Variants in EIF2AK1 observed in about 807,000 individuals in gnomAD.
EIF2AK1 encodes the protein eukaryotic translation initiation factor 2-alpha kinase 1.
Under a neutral mutation model 77.9 loss-of-function variants are expected in EIF2AK1, and 54 were observed. That is an observed-to-expected ratio of 0.69 (90% CI 0.56 to 0.87). EIF2AK1 has a LOEUF of 0.87. Ranked by LOEUF, EIF2AK1 falls within the 40% of genes least tolerant of loss-of-function variation. EIF2AK1 has a pLI of 0.00. For synonymous variants in EIF2AK1, 314 were observed against 290.5 expected (o/e 1.08, Z -0.82); for missense variants, 810 against 768.6 (o/e 1.05, Z -0.64).
Position 6,044,529 on chromosome 7 carries a change from G to A in EIF2AK1, c.730+33C>T, listed in dbSNP as rs545689551. The A allele has an allele frequency of 1.3e-5, 20 of 1,578,992 alleles. 1 individual carries two copies. The highest frequency in any genetic ancestry group is 1.1e-4 in the African/African-American group (8 of 74,262). ...GGTGCACGGGCTAAAGTTTGCCAAC[G>A]CTTCAACTACCATACCATCAAAAAC... On this transcript the variant is annotated intron_variant, in intron 7 of 14. Coordinates refer to ENST00000199389, the MANE Select transcript of EIF2AK1 (RefSeq NM_014413.4).
At chr7:6,047,264 T>C (rs929887836) in intron 4 of EIF2AK1, 173 bp from the exon 5 acceptor site, 2 of 738,788 alleles carry the variant, frequency 2.7e-6, no homozygotes, top group African/African-American at 3.5e-5. Context: ...GAAAACAAAA[T>C]CAGGTGTTTT....
chr7:6,032,844 A>G lies in EIF2AK1; in HGVS notation c.1333-3812T>C. The G allele has an allele frequency of 1.3e-6, 2 of 1,550,890 alleles. No individual in the cohort carries two copies. Among genetic ancestry groups the G allele is most frequent in the Non-Finnish European group, 1.7e-6 (2 of 1,146,894 alleles). On this transcript the variant is annotated intron_variant, in intron 11 of 14. Transcript: ENST00000199389. The surrounding 1 kb of genome is among the most constrained non-coding windows in gnomAD (Gnocchi z 4.3). ...GTTTTGTTTTCCCTCCAAAGCCGAC[A>G]GAGTCTATCATCCCCATCCATCTGG...
intron 10 of EIF2AK1, 136 bp downstream of exon 10, chr7:6,038,424 G>T: frequency 1.7e-6 from 1 of 592,854 alleles, no homozygotes; most frequent in Non-Finnish European, 2.8e-6. Flanking sequence ...AACAAACAGA[G>T]CAAAGCTCTG....
Position 6,041,212 on chromosome 7 carries a change from A to T in EIF2AK1, c.799T>A (p.Cys267Ser), listed in dbSNP as rs369540263. ...CTACTTTCATCATTTTTAACACCAC[A>T]TTGCTCTCTGAAAAAAAAAAAAATA... ...LSDQEEDREQCGVKNDESSSS... is the reference protein window; with the variant it reads ...LSDQEEDREQSGVKNDESSSS... The change falls in exon 9 of 15, where the codon TGT becomes AGT. Residue 267 changes from cysteine to serine, a missense_variant. Cys to Ser is a moderately radical substitution (Grantham distance 112). Transcript: ENST00000199389. 1 of 1,571,530 alleles carries T rather than the reference A, an allele frequency of 6.4e-7. No homozygotes were observed. The highest frequency in any genetic ancestry group is 8.6e-7 in the Non-Finnish European group (1 of 1,168,066).
At chr7:6,037,134 G>A (rs1009605713) in intron 11 of EIF2AK1, among the ~76,000 whole-genome samples, 1 of 152,090 alleles carries the variant, frequency 6.6e-6, no homozygotes, top group Non-Finnish European at 1.5e-5. Context: ...GGGAGGCTGA[G>A]GTGGGAGGAT....
chr7:6,042,216 C>A (rs1788318735), intron 8 of EIF2AK1, among the ~76,000 whole-genome samples: 1 of 151,578 alleles, frequency 6.6e-6, no homozygotes, highest in African/African-American at 2.4e-5. Context: ...TTTGGGAGGC[C>A]AAGGCAGGCA....
chr7:6,023,970 C>A lies in EIF2AK1; in HGVS notation c.*703G>T. 1 of 1,384,692 alleles carries A rather than the reference C, an allele frequency of 7.2e-7. No individual in the cohort carries two copies. The allele number at this position is 1,384,692 out of a possible 1,614,324, so 85.8% of individuals were successfully genotyped here. A position where few individuals can be genotyped will look rare whatever the true frequency, so the allele number is the denominator to read the frequency against. On this transcript the variant is annotated 3_prime_UTR_variant, in exon 15 of 15. Coordinates refer to ENST00000199389, the MANE Select transcript of EIF2AK1 (RefSeq NM_014413.4). ...TGCCTCTGAGGGATGTACAGATTGG[C>A]TGGGGAGCTGAGTGCTACAATAAAG...
intron 6 of EIF2AK1, among the ~76,000 whole-genome samples, chr7:6,044,888 C>T (rs1340567607): frequency 1.3e-5 from 2 of 152,146 alleles, no homozygotes; most frequent in Admixed American, 1.3e-4. Flanking sequence ...CTAGATGATT[C>T]TGTCCAACTA....
At position 6,032,924 on chromosome 7, in the gene EIF2AK1, A is replaced by G. The variant is rs115362245; in HGVS notation, c.1333-3892T>C. On this transcript the variant is annotated intron_variant, in intron 11 of 14. Transcript: ENST00000199389. This position sits in a 1 kb window ranked among gnomAD's most constrained non-coding sequence, Gnocchi z 4.3. ...CTCTGCCTGTTACGGCACGGTGCTG[A>G]CCCAGAAGTCAGGTAAGTTAACTCC... The G allele has an allele frequency of 9.0e-4, 1,389 of 1,550,398 alleles. 12 individuals are homozygous for G. The African/African-American group carries it at 0.016, about 18-fold the overall frequency.
At chr7:6,046,225 G>C (rs559311179) in intron 5 of EIF2AK1, 74 bp from the exon 6 acceptor site, 1 of 810,240 alleles carries the variant, frequency 1.2e-6, no homozygotes, top group East Asian at 3.0e-5. Flanking sequence ...CTTTTAATCT[G>C]AGCTTAGACA....
chr7:6,054,314 C>T (rs1332648236), intron 2 of EIF2AK1, among the ~76,000 whole-genome samples: 1 of 152,126 alleles, frequency 6.6e-6, no homozygotes, highest in East Asian at 1.9e-4. Context: ...AACTGATTCT[C>T]CGCCTCAGCC....
chr7:6,033,064 G>A lies in EIF2AK1; in HGVS notation c.1333-4032C>T, dbSNP rs1787963598. The A allele has an allele frequency of 1.4e-6, 1 of 716,684 alleles. No homozygotes were observed. The highest frequency in any genetic ancestry group is 3.2e-5 in the East Asian group (1 of 31,744). 44.4% of individuals were successfully genotyped at this position (716,684 alleles called of 1,614,324 possible). On this transcript the variant is annotated intron_variant, in intron 11 of 14. Coordinates refer to ENST00000199389, the MANE Select transcript of EIF2AK1 (RefSeq NM_014413.4). The surrounding 1 kb of genome is among the most constrained non-coding windows in gnomAD (Gnocchi z 4.4). ...CCTCACTGCAACCTCTACTTCCTGG[G>A]TTCAAGAGCTTCTCCCACCTCAGCC... is the stretch of plus-strand genomic sequence containing the variant.
Position 6,041,035 on chromosome 7 carries a change from G to T in EIF2AK1, c.976C>A (p.Gln326Lys). ...SGELESTLEL[Q>K]ENGLAGLSAS... ...GACAAACCAGCCAAGCCATTTTCCT[G>T]GAGCTCCAGGGTCGACTCAAGTTCA... The change falls in exon 9 of 15, where the codon CAG (glutamine) becomes AAG (lysine). Residue 326 changes from glutamine to lysine, a missense_variant. Transcript: ENST00000199389. 1 of 1,614,094 alleles carries T rather than the reference G, an allele frequency of 6.2e-7. No homozygotes were observed. The highest frequency in any genetic ancestry group is 8.5e-7 in the Non-Finnish European group (1 of 1,180,018).
At position 6,038,626 on chromosome 7, in the gene EIF2AK1, G is replaced by A; in HGVS notation, c.1165C>T (p.Leu389Phe). ...TCGACTATCCAATCCCACAGCGAGA[G>A]CTCACACAGCTGCATCTGGATGTGC... Reference protein sequence around the residue: ...MLHIQMQLCELSLWDWIVERN... With the variant: ...MLHIQMQLCEFSLWDWIVERN... The change falls in exon 10 of 15, where the codon CTC becomes TTC. Residue 389 changes from leucine (L) to phenylalanine (F), a missense_variant. By Grantham distance (22) the Leu-to-Phe change is conservative. Around this residue, in one of 3 missense-constraint regions of EIF2AK1, gnomAD observed 549 missense variants for 533.7 expected, o/e 1.03. Coordinates refer to ENST00000199389, the MANE Select transcript of EIF2AK1 (RefSeq NM_014413.4). The A allele has an allele frequency of 6.2e-7, 1 of 1,613,414 alleles. No homozygotes were observed. Among genetic ancestry groups the A allele is most frequent in the Non-Finnish European group, 8.5e-7 (1 of 1,179,662 alleles).
chr7:6,058,792 C>A (rs192415982), intron 1 of EIF2AK1, among the ~76,000 whole-genome samples, 174 bp downstream of exon 1: 15 of 152,354 alleles, frequency 9.8e-5, no homozygotes, highest in African/African-American at 3.6e-4. Flanking sequence ...ATTTACCTTA[C>A]CCGACGGCCC....
rs779256399 is a variant in EIF2AK1 at position 6,023,436 on chromosome 7, G to A, written c.*1237C>T. Reference sequence around the variant, plus strand: ...TCAACGCAACCCTTATAGATAGCTGGGTAGATATTGCGATTTTTCAGTTAA... The same window carrying A: ...TCAACGCAACCCTTATAGATAGCTGAGTAGATATTGCGATTTTTCAGTTAA... On this transcript the variant is annotated 3_prime_UTR_variant, in exon 15 of 15. Coordinates refer to ENST00000199389, the MANE Select transcript of EIF2AK1 (RefSeq NM_014413.4). The A allele has an allele frequency of 6.2e-7, 1 of 1,614,154 alleles. No individual in the cohort carries two copies. Among genetic ancestry groups the A allele is most frequent in the South Asian group, 1.1e-5 (1 of 91,082 alleles).
chr7:6,026,451 G>A (rs1306929973), intron 14 of EIF2AK1: 2 of 609,128 alleles, frequency 3.3e-6, no homozygotes, highest in African/African-American at 1.8e-5. Flanking sequence ...TCGCTGTGGG[G>A]TTGGCCCCCA....
At chr7:6,044,026 G>A (rs1788372910) in intron 7 of EIF2AK1, among the ~76,000 whole-genome samples, 2 of 151,820 alleles carry the variant, frequency 1.3e-5, no homozygotes, top group South Asian at 2.1e-4. Context: ...TTAAGCCCAG[G>A]AGGCAGAGGT....
At chr7:6,039,316 A>G (rs1788223469) in intron 9 of EIF2AK1, among the ~76,000 whole-genome samples, 1 of 152,070 alleles carries the variant, frequency 6.6e-6, no homozygotes, top group South Asian at 2.1e-4. Context: ...CAAAGTTCTA[A>G]GTTTCATAAA....
Sources: allele counts gnomAD v4.1 joint callset (sites outside exome capture counted in the v4.1 genomes callset), GRCh38; gene constraint gnomAD v4.1.1; regional missense constraint gnomAD v4.1.1; non-coding constraint Gnocchi (gnomAD v3.1); transcripts MANE v1.5; gene names NCBI Gene and HGNC (gene_info 2026-07-23, HGNC 2026-07-21).